Variants in CLPP observed in about 807,000 individuals in gnomAD.
CLPP encodes the protein ATP-dependent Clp protease proteolytic subunit, mitochondrial.
Under a neutral mutation model 27.4 loss-of-function variants are expected in CLPP, and 14 were observed. The observed-to-expected ratio is 0.51, with a 90% CI of 0.34 to 0.80. The LOEUF (loss-of-function observed/expected upper bound fraction) is 0.80. Among genes scored for constraint, CLPP ranks in the 30% least tolerant of loss-of-function variants. The pLI, the probability that CLPP is intolerant of heterozygous loss-of-function variation, is 0.02. For synonymous variants in CLPP, 193 were observed against 166.6 expected (o/e 1.16, Z -1.22); for missense variants, 361 against 403.6 (o/e 0.89, Z 0.90).
chr19:6,362,405 C>A (rs2091840183), intron 2 of CLPP, 41 bp from the exon 3 acceptor site: 3 of 1,443,780 alleles, frequency 2.1e-6, no homozygotes, highest in Non-Finnish European at 2.9e-6. Context: ...ACTCTCTCCC[C>A]ACCCCGAATC....
intron 3 of CLPP, among the ~76,000 whole-genome samples, chr19:6,362,996 A>G (rs1160820953): frequency 6.6e-6 from 1 of 152,108 alleles, no homozygotes; most frequent in Non-Finnish European, 1.5e-5. Flanking sequence ...AGGCTGAGGG[A>G]GAAGGATCAC....
chr19:6,362,458 G>A lies in CLPP; in HGVS notation c.283G>A (p.Val95Ile), dbSNP rs372401332. Residue 95 changes from valine to isoleucine, a missense_variant, in exon 3 of 6, where the codon GTT (valine) becomes ATT (isoleucine). This residue lies in a region of CLPP where 213 missense variants were observed against 280.9 expected (regional missense o/e 0.76). Transcript: ENST00000245816. The part of the protein sequence containing the change: ...VCVMGPIDDS[V>I]ASLVIAQLLF... ...TCTCCACCTGCAGATCGATGACAGC[G>A]TTGCCAGCCTTGTTATCGCACAGCT... The A allele has an allele frequency of 3.8e-5, 61 of 1,613,674 alleles. No homozygotes were observed. The highest frequency in any genetic ancestry group is 4.9e-5 in the Non-Finnish European group (58 of 1,179,782).
chr19:6,368,843 C>G lies in CLPP; in HGVS notation c.*133C>G. 1 of 741,748 alleles carries G rather than the reference C, an allele frequency of 1.3e-6. No individual in the cohort carries two copies. The highest frequency in any genetic ancestry group is 1.9e-5 in the South Asian group (1 of 53,880). 45.9% of individuals were successfully genotyped at this position (741,748 alleles called of 1,614,324 possible). A position where few individuals can be genotyped will look rare whatever the true frequency, so the allele number is the denominator to read the frequency against. On this transcript the variant is annotated 3_prime_UTR_variant, in exon 6 of 6. Transcript: ENST00000245816. ...AACTTTTAATTTGCAGGGGTGCCCG[C>G]TATGGACGGGGCATTCCAGCTGAGA...
chr19:6,365,846 G>T (rs1348706148), intron 4 of CLPP, among the ~76,000 whole-genome samples: 3 of 150,744 alleles, frequency 2.0e-5, no homozygotes, highest in South Asian at 2.1e-4. Context: ...GCCAGGCATG[G>T]TGGCTCATGC....
chr19:6,362,259 G>C, intron 2 of CLPP, 187 bp from the exon 3 acceptor site: 2 of 521,200 alleles, frequency 3.8e-6, no homozygotes, highest in South Asian at 2.6e-5. Flanking sequence ...CCCCCTTCCT[G>C]TGCTCCAAAC....
In CLPP at chr19:6,368,559, G is replaced by C; in HGVS notation, c.683G>C (p.Arg228Pro). Residue 228 changes from arginine to proline, a missense_variant, in exon 6 of 6, where the codon CGC becomes CCC. This residue lies in a region of CLPP where 213 missense variants were observed against 280.9 expected (regional missense o/e 0.76). Coordinates refer to ENST00000245816, the MANE Select transcript of CLPP (RefSeq NM_006012.4). Reference sequence around the variant, plus strand: ...CCAGAGTCCGCCATGGAGAGGGACCGCTACATGAGCCCCATGGAGGCCCAG... The same window carrying C: ...CCAGAGTCCGCCATGGAGAGGGACCCCTACATGAGCCCCATGGAGGCCCAG... ...QVIESAMERD[R>P]YMSPMEAQEF... The C allele has an allele frequency of 6.2e-7, 1 of 1,614,112 alleles. No individual in the cohort carries two copies. The highest frequency in any genetic ancestry group is 8.5e-7 in the Non-Finnish European group (1 of 1,180,018).
Position 6,368,828 on chromosome 19 carries a change from T to C in CLPP, c.*118T>C. 1.1e-6 allele frequency: 1 copy of C among 874,694 alleles called. No individual in the cohort carries two copies. The highest frequency in any genetic ancestry group is 1.8e-5 in the South Asian group (1 of 57,134). 54.2% of individuals were successfully genotyped at this position (874,694 alleles called of 1,614,324 possible). A position where few individuals can be genotyped will look rare whatever the true frequency, so the allele number is the denominator to read the frequency against. On this transcript the variant is annotated 3_prime_UTR_variant, in exon 6 of 6. Coordinates refer to ENST00000245816, the MANE Select transcript of CLPP (RefSeq NM_006012.4). Reference sequence around the variant, plus strand: ...AGGGGCCTCTTGAGGAACTTTTAATTTGCAGGGGTGCCCGCTATGGACGGG... The same window carrying C: ...AGGGGCCTCTTGAGGAACTTTTAATCTGCAGGGGTGCCCGCTATGGACGGG...
At chr19:6,363,892 C>CAA (rs367560960) in intron 3 of CLPP, among the ~76,000 whole-genome samples, 3,806 of 133,030 alleles carry the variant, frequency 0.029, 60 homozygotes, top group Non-Finnish European at 0.043. Context: ...GACTCAGTCT[C>CAA]AAAAAAAAAA....
At position 6,361,865 on chromosome 19, in the gene CLPP, C is replaced by G. The variant is rs755366480; in HGVS notation, c.199-4C>G. The G allele has an allele frequency of 1.3e-6, 2 of 1,597,744 alleles. No individual in the cohort carries two copies. Among genetic ancestry groups the G allele is most frequent in the South Asian group, 1.1e-5 (1 of 91,022 alleles). On this transcript the variant is annotated splice_polypyrimidine_tract_variant and splice_region_variant and intron_variant, in intron 1 of 5. Coordinates refer to ENST00000245816, the MANE Select transcript of CLPP (RefSeq NM_006012.4). ...GCCCCTCACCTCCATCTTTCTACCC[C>G]CAGGGTCGCGGCGAGCGCGCCTATG...
In CLPP at chr19:6,361,558, C is replaced by G; in HGVS notation, c.-17C>G. 7.2e-7 allele frequency: 1 copy of G among 1,390,546 alleles called. No homozygotes were observed. Among genetic ancestry groups the G allele is most frequent in the Non-Finnish European group, 9.4e-7 (1 of 1,068,340 alleles). 86.1% of individuals were successfully genotyped at this position (1,390,546 alleles called of 1,614,324 possible). A position where few individuals can be genotyped will look rare whatever the true frequency, so the allele number is the denominator to read the frequency against. The stretch of plus-strand genomic sequence containing the variant: ...AGTTCCGCCATCGGACGGAAGCCGA[C>G]CGGGGCGTGCGGAGGGATGTGGCCC... On this transcript the variant is annotated 5_prime_UTR_variant, in exon 1 of 6. Transcript: ENST00000245816.
chr19:6,364,716 A>G (rs533176408), intron 4 of CLPP, 77 bp downstream of exon 4: 26 of 1,366,944 alleles, frequency 1.9e-5, no homozygotes, highest in Non-Finnish European at 2.6e-5. Context: ...GCGGAAGTCA[A>G]GCGTGGGAGG....
intron 3 of CLPP, 152 bp downstream of exon 3, chr19:6,362,694 C>T (rs1357418344): frequency 3.2e-6 from 2 of 619,794 alleles, no homozygotes; most frequent in South Asian, 1.9e-5. Flanking sequence ...CAAAAGGTGC[C>T]TGTTGCTGGC....
rs1339637993 is a variant in CLPP at position 6,369,532 on chromosome 19, G to T, written c.*822G>T. On this transcript the variant is annotated 3_prime_UTR_variant, in exon 6 of 6. Coordinates refer to ENST00000245816, the MANE Select transcript of CLPP (RefSeq NM_006012.4). ...ACTGAGAAGGTGGTGGTTGAGCAAAGCCTCAAAGGAGGTGAGGGGTGGAGC... is the reference window on the plus strand; with the variant it reads ...ACTGAGAAGGTGGTGGTTGAGCAAATCCTCAAAGGAGGTGAGGGGTGGAGC... Among the ~76,000 whole-genome samples the T allele has an allele frequency of 6.6e-6, 1 of 152,192 alleles. No homozygotes were observed. The highest frequency in any genetic ancestry group is 1.5e-5 in the Non-Finnish European group (1 of 68,042).
chr19:6,363,955 T>A (rs1055013897), intron 3 of CLPP, among the ~76,000 whole-genome samples: 1 of 151,230 alleles, frequency 6.6e-6, no homozygotes, highest in African/African-American at 2.4e-5. Context: ...TCCCAACACT[T>A]TGGGAGGATT....
rs2091881297 is a variant in CLPP at position 6,370,213 on chromosome 19, G to A, written c.*1503G>A. On this transcript the variant is annotated 3_prime_UTR_variant, in exon 6 of 6. Coordinates refer to ENST00000245816, the MANE Select transcript of CLPP (RefSeq NM_006012.4). ...ATGTCCCTCGACATCAGGGTCAAGA[G>A]GTTGAAATAAAAACGTAGGTGTCAT... Among the ~76,000 whole-genome samples, 1 of 152,206 alleles carries A rather than the reference G, an allele frequency of 6.6e-6. No individual in the cohort carries two copies. Among genetic ancestry groups the A allele is most frequent in the African/African-American group, 2.4e-5 (1 of 41,458 alleles).
intron 5 of CLPP, among the ~76,000 whole-genome samples, chr19:6,367,997 C>G (rs1226549865): frequency 6.6e-6 from 1 of 152,106 alleles, no homozygotes; most frequent in Non-Finnish European, 1.5e-5. Context: ...TCCCAAAGTG[C>G]TGGGATTACA....
Position 6,368,862 on chromosome 19 carries a change from G to C in CLPP, c.*152G>C, listed in dbSNP as rs1429793553. 9 of 645,264 alleles carry C rather than the reference G, an allele frequency of 1.4e-5. No homozygotes were observed. The African/African-American group carries it at 1.6e-4, about 12-fold the overall frequency. The allele number at this position is 645,264 out of a possible 1,614,324, so 40.0% of individuals were successfully genotyped here. On this transcript the variant is annotated 3_prime_UTR_variant, in exon 6 of 6. Transcript: ENST00000245816. ...TGCCCGCTATGGACGGGGCATTCCA[G>C]CTGAGACACTGTGATTTTAAATTAA...
rs1482503173 is a variant in CLPP at position 6,361,909 on chromosome 19, T to C, written c.239T>C (p.Leu80Pro). The C allele has an allele frequency of 6.3e-7, 1 of 1,598,156 alleles. No homozygotes were observed. Reference sequence around the variant, plus strand: ...GCCTATGACATCTACTCGCGGCTGCTGCGGGAGCGCATCGTGTGCGTCATG... The same window carrying C: ...GCCTATGACATCTACTCGCGGCTGCCGCGGGAGCGCATCGTGTGCGTCATG... ...ERAYDIYSRLLRERIVCVMGP... is the reference protein window; with the variant it reads ...ERAYDIYSRLPRERIVCVMGP... Residue 80 changes from leucine (L) to proline (P), a missense_variant, in exon 2 of 6, where the codon CTG becomes CCG. By Grantham distance (98) the Leu-to-Pro change is moderately conservative (BLOSUM62 -3). Transcript: ENST00000245816.
intron 5 of CLPP, 101 bp from the exon 6 acceptor site, chr19:6,368,437 T>C: frequency 1.8e-6 from 2 of 1,132,384 alleles, no homozygotes; most frequent in Non-Finnish European, 1.3e-6. Flanking sequence ...CATATGAACT[T>C]GGGGTGGTGG....
Sources: gnomAD v4.1 joint callset for allele counts (sites outside exome capture counted in the v4.1 genomes callset) on GRCh38, gnomAD v4.1.1 for gene constraint, gnomAD v4.1.1 regional missense constraint, MANE v1.5 for transcripts, NCBI Gene and HGNC (gene_info 2026-07-23, HGNC 2026-07-21) for gene names.